Variants in GALNT13 observed in about 807,000 individuals in gnomAD.
GALNT13 encodes polypeptide N-acetylgalactosaminyltransferase 13, also known as UDP-GalNAc:polypeptide N-acetylgalactosaminyltransferase 13.
Under a neutral mutation model 64.2 loss-of-function variants are expected in GALNT13, and 28 were observed. The ratio of observed to expected loss-of-function variants is 0.44; its 90% CI spans 0.32 to 0.60. GALNT13 has a LOEUF of 0.60. Ranked by LOEUF, GALNT13 falls within the 20% of genes least tolerant of loss-of-function variation. GALNT13 has a pLI of 0.05. For missense variants in GALNT13, 577 were observed against 669.8 expected, an observed-to-expected ratio of 0.86 and a Z score of 1.53; for synonymous variants, 214 against 224.6, an observed-to-expected ratio of 0.95 and a Z score of 0.42.
At chr2:153,211,681 T>C in the GALNT13 span, among the ~76,000 whole-genome samples, 2 of 152,128 alleles carry the variant, frequency 1.3e-5, no homozygotes, top group Non-Finnish European at 2.9e-5. Flanking sequence ...ATCACCTAGA[T>C]GTTAGTGATG....
intron 3 of GALNT13, 135 bp downstream of exon 3, chr2:153,944,774 T>G (rs1377794701): frequency 1.5e-6 from 1 of 646,250 alleles, no homozygotes; most frequent in Non-Finnish European, 2.6e-6. Flanking sequence ...TATTAATGCA[T>G]GTTTAACCAT....
At chr2:153,665,118 T>A in the GALNT13 span, among the ~76,000 whole-genome samples, 12 of 152,320 alleles carry the variant, frequency 7.9e-5, no homozygotes, top group South Asian at 2.5e-3. Flanking sequence ...AGCTGTGTGA[T>A]TGATCCTCAC....
At chr2:154,066,665 A>T (rs1036499186) in intron 3 of GALNT13, among the ~76,000 whole-genome samples, 1 of 152,088 alleles carries the variant, frequency 6.6e-6, no homozygotes, top group African/African-American at 2.4e-5. Context: ...AGAAATAAAA[A>T]TTTTTCAGTA....
the GALNT13 span, among the ~76,000 whole-genome samples, chr2:153,356,789 CTTTTTTT>C: frequency 9.5e-6 from 1 of 104,904 alleles, no homozygotes; most frequent in Non-Finnish European, 1.9e-5. Context: ...TCTTCTTCCT[CTTTTTTT>C]TTTTTTTTTT....
the GALNT13 span, among the ~76,000 whole-genome samples, chr2:153,329,850 C>A: frequency 6.6e-6 from 1 of 152,252 alleles, no homozygotes; most frequent in South Asian, 2.1e-4. Context: ...AATTCCTTCC[C>A]AAGGTCAACG....
chr2:154,175,194 A>G (rs945316737), intron 4 of GALNT13, among the ~76,000 whole-genome samples: 2 of 152,200 alleles, frequency 1.3e-5, no homozygotes, highest in Admixed American at 6.5e-5. Context: ...AACTTAACTC[A>G]TAATTGGAGG....
the GALNT13 span, among the ~76,000 whole-genome samples, chr2:153,674,390 T>TA: frequency 6.6e-6 from 1 of 152,036 alleles, no homozygotes; most frequent in African/African-American, 2.4e-5. Context: ...GTCTAAGAAA[T>TA]AATACCATAC....
chr2:153,848,159 A>G, the GALNT13 span, among the ~76,000 whole-genome samples: 1 of 152,206 alleles, frequency 6.6e-6, no homozygotes, highest in Non-Finnish European at 1.5e-5. Flanking sequence ...CTGTAAAACA[A>G]GTATTTGGGG....
the GALNT13 span, among the ~76,000 whole-genome samples, chr2:153,833,952 C>G: frequency 6.6e-6 from 1 of 151,886 alleles, no homozygotes; most frequent in African/African-American, 2.4e-5. Context: ...ACCTTTCAGT[C>G]TTCAGAATTA....
At chr2:153,151,248 C>T in the GALNT13 span, among the ~76,000 whole-genome samples, 1 of 152,116 alleles carries the variant, frequency 6.6e-6, no homozygotes, top group South Asian at 2.1e-4. Flanking sequence ...CATCACTGGC[C>T]ATCAGAGAAA....
chr2:153,532,411 CAAA>C, the GALNT13 span, among the ~76,000 whole-genome samples: 2 of 152,150 alleles, frequency 1.3e-5, no homozygotes, highest in African/African-American at 4.8e-5. Flanking sequence ...GGGCCTGACA[CAAA>C]AGATCATGCT....
the GALNT13 span, among the ~76,000 whole-genome samples, chr2:153,226,084 G>A: frequency 3.3e-5 from 5 of 151,928 alleles, no homozygotes; most frequent in African/African-American, 4.8e-5. Context: ...CTACAGGCAC[G>A]TGCCACCATG....
At chr2:154,136,001 A>C (rs1682929833) in intron 3 of GALNT13, among the ~76,000 whole-genome samples, 1 of 152,152 alleles carries the variant, frequency 6.6e-6, no homozygotes, top group Non-Finnish European at 1.5e-5. Flanking sequence ...AGTCATCTAT[A>C]AACAGATAAT....
rs956530720 is a variant in GALNT13, at chr2:154,404,507, A to C, written c.1297-4477A>C. ...TTTGTAGGAGACAACAGAGGAAAGC[A>C]ATGAGGTATTTGATGGAAATGAGGT... On this transcript the variant is annotated intron_variant, in intron 10 of 12. Coordinates refer to ENST00000392825, the MANE Select transcript of GALNT13 (RefSeq NM_052917.4). 2.0e-5 allele frequency among the ~76,000 whole-genome samples: 3 copies of C among 152,214 alleles called. No homozygotes were observed. In the East Asian group the frequency reaches 5.8e-4, roughly 29 times the overall value.
the GALNT13 span, among the ~76,000 whole-genome samples, chr2:153,793,615 A>C: frequency 3.3e-5 from 5 of 150,902 alleles, no homozygotes; most frequent in African/African-American, 1.2e-4. Context: ...GTTAGAAAAC[A>C]CTCTTCTAAA....
At chr2:154,324,049 A>G (rs991534651) in intron 9 of GALNT13, among the ~76,000 whole-genome samples, 1 of 152,100 alleles carries the variant, frequency 6.6e-6, no homozygotes, top group Non-Finnish European at 1.5e-5. Context: ...CAAAGTAAAA[A>G]CAATATAGCA....
intron 4 of GALNT13, among the ~76,000 whole-genome samples, chr2:154,219,669 TCA>T: frequency 6.6e-6 from 1 of 152,100 alleles, no homozygotes. Context: ...TGAGCAGTCT[TCA>T]GAAGGCATGG....
At chr2:154,338,710 T>C (rs808947) in intron 9 of GALNT13, among the ~76,000 whole-genome samples, 151,397 of 152,198 alleles carry the variant, frequency 0.99, 75,304 homozygotes, top group Middle Eastern at 1. Context: ...GGCATAAGGA[T>C]AGTTCCTAGT....
At chr2:153,279,893 G>GA in the GALNT13 span, among the ~76,000 whole-genome samples, 7 of 152,036 alleles carry the variant, frequency 4.6e-5, no homozygotes, top group Non-Finnish European at 7.4e-5. Flanking sequence ...AATGATTTAG[G>GA]AAAGTGTCCT....
Sources: allele counts gnomAD v4.1 joint callset (sites outside exome capture counted in the v4.1 genomes callset), GRCh38; gene constraint gnomAD v4.1.1; transcripts MANE v1.5; gene names NCBI Gene and HGNC (gene_info 2026-07-23, HGNC 2026-07-21).